Variants in ACSL4 observed in about 807,000 individuals in gnomAD.
ACSL4 encodes acyl-CoA synthetase long chain family member 4.
Under a neutral mutation model 49.1 loss-of-function variants are expected in ACSL4, and 9 were observed. The observed-to-expected ratio is 0.18, with a 90% CI of 0.11 to 0.32. ACSL4 has a LOEUF of 0.32. Ranked by LOEUF, ACSL4 falls within the 10% of genes least tolerant of loss-of-function variation. ACSL4 has a pLI of 1.00. For synonymous variants in ACSL4, 191 were observed against 170.3 expected, an observed-to-expected ratio of 1.12 and a Z score of -0.95; for missense variants, 333 against 493.7, an observed-to-expected ratio of 0.67 and a Z score of 3.08.
chrX:109,666,174 C>T (rs1319666247), intron 11 of ACSL4, among the ~76,000 whole-genome samples: 5 of 112,425 alleles, frequency 4.4e-5, no homozygotes, highest in Non-Finnish European at 9.4e-5. Context: ...ATTCAGAGAA[C>T]ATTTAAATAC....
At chrX:109,668,988 A>C (rs768916976) in intron 10 of ACSL4, 46 bp downstream of exon 10, 1 of 1,132,120 alleles carries the variant, frequency 8.8e-7, no homozygotes, top group Non-Finnish European at 1.2e-6. Context: ...TAAAAGCATA[A>C]AAAAATTTAA....
chrX:109,643,300 GTCAT>G lies in ACSL4; in HGVS notation c.*725_*728del, dbSNP rs1236543652. 1.8e-5 allele frequency: 2 copies of G among 111,591 alleles called. No homozygotes were observed. Among genetic ancestry groups the G allele is most frequent in the Admixed American group, 9.6e-5 (1 of 10,419 alleles). 9.2% of individuals were successfully genotyped at this position (111,591 alleles called of 1,213,427 possible). ...TTTCAAAAAATGTACTTTCCTCTTA[GTCAT>G]TCAAATAATTACAGTTATTTTTAGA... On this transcript the variant is annotated 3_prime_UTR_variant, in exon 16 of 16. Transcript: ENST00000672401.
At chrX:109,681,482 T>C (rs1569428430) in intron 4 of ACSL4, 107 bp from the exon 5 acceptor site, 4 of 578,225 alleles carry the variant, frequency 6.9e-6, no homozygotes, top group East Asian at 7.3e-5. Context: ...CACAAAGACA[T>C]TGTATATTTT....
chrX:109,655,222 C>T (rs918989805), intron 15 of ACSL4, among the ~76,000 whole-genome samples: 1 of 111,378 alleles, frequency 9.0e-6, no homozygotes, highest in African/African-American at 3.3e-5. Flanking sequence ...GCATAAAGTG[C>T]AACTTGGAGG....
chrX:109,644,808 G>A (rs759137659), intron 15 of ACSL4, among the ~76,000 whole-genome samples: 2 of 113,198 alleles, frequency 1.8e-5, no homozygotes, highest in Non-Finnish European at 3.7e-5. Flanking sequence ...AGTGGGCGCA[G>A]GTCAGTGGGT....
intron 2 of ACSL4, among the ~76,000 whole-genome samples, chrX:109,695,375 C>T (rs1925359138): frequency 1.9e-5 from 2 of 107,710 alleles, no homozygotes; most frequent in African/African-American, 3.4e-5. Flanking sequence ...TAAGCTTCAA[C>T]GTATCGGGGC....
chrX:109,718,627 A>T lies in ACSL4; in HGVS notation c.-66+14512T>A, dbSNP rs189440844. On this transcript the variant is annotated intron_variant, in intron 1 of 15. Coordinates refer to ENST00000672401, the MANE Select transcript of ACSL4 (RefSeq NM_001318510.2). Reference sequence around the variant, plus strand: ...AAAATTAACTGGGCATGGTGGCATGAGCTTGTGGTCCCAGTACTTAGGATG... The same window carrying T: ...AAAATTAACTGGGCATGGTGGCATGTGCTTGTGGTCCCAGTACTTAGGATG... Among the ~76,000 whole-genome samples, 4 of 110,405 alleles carry T rather than the reference A, an allele frequency of 3.6e-5. No individual in the cohort carries two copies. The East Asian group carries it at 1.1e-3, about 32-fold the overall frequency.
chrX:109,699,573 G>A (rs1202411510), intron 1 of ACSL4, among the ~76,000 whole-genome samples: 1 of 111,272 alleles, frequency 9.0e-6, no homozygotes, highest in Non-Finnish European at 1.9e-5. Flanking sequence ...AGAAATACAG[G>A]TCAAAAACAG....
At chrX:109,646,879 T>C (rs1464468609) in intron 15 of ACSL4, among the ~76,000 whole-genome samples, 1 of 110,964 alleles carries the variant, frequency 9.0e-6, no homozygotes, top group African/African-American at 3.3e-5. Context: ...AATCCTAGTC[T>C]CTGATAAAAC....
intron 1 of ACSL4, among the ~76,000 whole-genome samples, chrX:109,704,908 T>A (rs1395880185): frequency 9.1e-6 from 1 of 110,053 alleles, no homozygotes; most frequent in Non-Finnish European, 1.9e-5. Context: ...ATAGGGTATA[T>A]CTTATTTTAA....
intron 15 of ACSL4, among the ~76,000 whole-genome samples, chrX:109,649,212 C>T (rs756690576): frequency 5.4e-5 from 6 of 111,327 alleles, no homozygotes; most frequent in East Asian, 5.6e-4. Context: ...GAGCCAGCAT[C>T]GCCAAGTCAA....
At chrX:109,690,757 T>A (rs1372218415) in intron 2 of ACSL4, among the ~76,000 whole-genome samples, 1 of 88,536 alleles carries the variant, frequency 1.1e-5, no homozygotes, top group East Asian at 4.5e-4. Context: ...TAAGACATTT[T>A]AGGGGGGGGG....
intron 8 of ACSL4, among the ~76,000 whole-genome samples, chrX:109,674,714 A>G (rs1221305379): frequency 8.9e-6 from 1 of 112,553 alleles, no homozygotes; most frequent in Non-Finnish European, 1.9e-5. Flanking sequence ...GGATAACAAG[A>G]GAATGACATT....
At chrX:109,668,946 A>T in intron 10 of ACSL4, 88 bp downstream of exon 10, 1 of 810,711 alleles carries the variant, frequency 1.2e-6, no homozygotes, top group Non-Finnish European at 1.8e-6. Flanking sequence ...CAAATGAATT[A>T]ACTTGCCATT....
intron 2 of ACSL4, among the ~76,000 whole-genome samples, chrX:109,690,923 T>TA (rs774049875): frequency 9.0e-6 from 1 of 111,455 alleles, no homozygotes; most frequent in Non-Finnish European, 1.9e-5. Flanking sequence ...GCATTAGTGA[T>TA]ACATTAAGCT....
chrX:109,651,177 C>T lies in ACSL4; in HGVS notation c.1856-6991G>A, dbSNP rs181389210. ...AGGGTAATTCTTTAAATTATGGAGGCCTATTAACAGTAATATTAATCAACA... is the reference window on the plus strand; with the variant it reads ...AGGGTAATTCTTTAAATTATGGAGGTCTATTAACAGTAATATTAATCAACA... On this transcript the variant is annotated intron_variant, in intron 15 of 15. Coordinates refer to ENST00000672401, the MANE Select transcript of ACSL4 (RefSeq NM_001318510.2). Among the ~76,000 whole-genome samples, 164 of 111,521 alleles carry T rather than the reference C, an allele frequency of 1.5e-3. 1 individual carries two copies. The highest frequency in any genetic ancestry group is 2.5e-3 in the Non-Finnish European group (133 of 52,972).
intron 15 of ACSL4, 85 bp from the exon 16 acceptor site, chrX:109,644,271 G>A: frequency 1.1e-6 from 1 of 874,285 alleles, no homozygotes. Flanking sequence ...GAAGGGGAAG[G>A]AGAAGCAATT....
At chrX:109,688,913 T>C (rs1924821513) in intron 2 of ACSL4, among the ~76,000 whole-genome samples, 1 of 109,580 alleles carries the variant, frequency 9.1e-6, no homozygotes, top group African/African-American at 3.3e-5. Flanking sequence ...AAATACCACA[T>C]ATATGTCGTG....
chrX:109,654,333 G>A (rs375299877), intron 15 of ACSL4, among the ~76,000 whole-genome samples: 2 of 110,803 alleles, frequency 1.8e-5, no homozygotes, highest in East Asian at 5.6e-4. Context: ...ATATTCTGTT[G>A]TCCAATATTT....
Sources: gnomAD v4.1 joint callset for allele counts (sites outside exome capture counted in the v4.1 genomes callset) on GRCh38, gnomAD v4.1.1 for gene constraint, MANE v1.5 for transcripts, NCBI Gene and HGNC (gene_info 2026-07-23, HGNC 2026-07-21) for gene names.